Variants in ZNF704 observed in about 807,000 individuals in gnomAD.
ZNF704 encodes glucocorticoid induced gene 1.
ZNF704 carries 10 observed loss-of-function variants against 44.7 expected under a neutral mutation model. The ratio of observed to expected loss-of-function variants is 0.22; its 90% CI spans 0.14 to 0.38. The LOEUF (loss-of-function observed/expected upper bound fraction) is 0.38, where lower values mean the gene tolerates loss of function less well. Among genes scored for constraint, ZNF704 ranks in the 10% least tolerant of loss-of-function variants. The pLI is 1.00. For missense variants in ZNF704, 390 were observed against 545.5 expected, an observed-to-expected ratio of 0.71 and a Z score of 2.84; for synonymous variants, 211 against 207.6, an observed-to-expected ratio of 1.02 and a Z score of -0.14.
intron 2 of ZNF704, among the ~76,000 whole-genome samples, chr8:80,764,944 G>T (rs1807203543): frequency 6.6e-6 from 1 of 152,186 alleles, no homozygotes; most frequent in Non-Finnish European, 1.5e-5. Context: ...AATAGCATAT[G>T]CATATGAGAA....
chr8:80,800,381 G>C (rs1807878954), intron 2 of ZNF704, among the ~76,000 whole-genome samples: 1 of 152,050 alleles, frequency 6.6e-6, no homozygotes, highest in African/African-American at 2.4e-5. Context: ...GATTTTCAAA[G>C]GTCGAAATCA....
At chr8:80,748,048 G>GC (rs1440800348) in intron 2 of ZNF704, among the ~76,000 whole-genome samples, 12 of 152,268 alleles carry the variant, frequency 7.9e-5, no homozygotes, top group African/African-American at 2.9e-4. Context: ...TTGGGAAGTT[G>GC]CAACAGTTGT....
chr8:80,786,319 T>A (rs1807613530), intron 2 of ZNF704, among the ~76,000 whole-genome samples: 1 of 152,176 alleles, frequency 6.6e-6, no homozygotes, highest in Admixed American at 6.5e-5. Flanking sequence ...GTTGCTTAAG[T>A]GCTGAGCTAC....
intron 2 of ZNF704, among the ~76,000 whole-genome samples, chr8:80,765,847 T>C (rs1203032866): frequency 1.3e-5 from 2 of 152,168 alleles, no homozygotes; most frequent in Admixed American, 6.5e-5. Context: ...GGCTAGATTA[T>C]AAAAATAATA....
intron 1 of ZNF704, among the ~76,000 whole-genome samples, chr8:80,862,680 G>T (rs1809087025): frequency 6.9e-6 from 1 of 144,266 alleles, no homozygotes; most frequent in South Asian, 2.2e-4. Context: ...CACAAGAACT[G>T]CCTGAACCCA....
rs1818165994 is a variant in ZNF704 at position 80,664,948 on chromosome 8, G to A, written c.794C>T (p.Pro265Leu). Residue 265 changes from proline to leucine, a missense_variant, in exon 6 of 9, where the codon CCT (proline) becomes CTT (leucine). Pro to Leu is a moderately conservative substitution (Grantham distance 98). Coordinates refer to ENST00000327835, the MANE Select transcript of ZNF704 (RefSeq NM_001033723.3). ...PVSPSQSLAS[P>L]PTFPIPDSSR... ...TGAATCTGGGATGGGGAAAGTAGGA[G>A]GTGAAGCCAGGGACTGGGAAGGTGA... 1.2e-6 allele frequency: 2 copies of A among 1,614,216 alleles called. No individual in the cohort carries two copies. The highest frequency in any genetic ancestry group is 1.7e-6 in the Non-Finnish European group (2 of 1,180,046).
intron 2 of ZNF704, among the ~76,000 whole-genome samples, chr8:80,798,515 A>G (rs6989009): frequency 0.06 from 9,063 of 152,234 alleles, 300 homozygotes; most frequent in Non-Finnish European, 0.076. Context: ...TCGGCCTCCC[A>G]AAGTGCTGGG....
chr8:80,670,213 A>G (rs968760938), intron 5 of ZNF704, among the ~76,000 whole-genome samples: 7 of 152,188 alleles, frequency 4.6e-5, no homozygotes, highest in Non-Finnish European at 1.0e-4. Flanking sequence ...GACCCTGAAG[A>G]GCTGACATTA....
intron 2 of ZNF704, among the ~76,000 whole-genome samples, chr8:80,741,978 C>CT (rs1240647070): frequency 6.6e-6 from 1 of 152,172 alleles, no homozygotes; most frequent in Non-Finnish European, 1.5e-5. Flanking sequence ...TATACAGACT[C>CT]TAAGTATGCT....
At chr8:80,845,949 A>G (rs776790038) in intron 1 of ZNF704, among the ~76,000 whole-genome samples, 1 of 152,142 alleles carries the variant, frequency 6.6e-6, no homozygotes, top group Non-Finnish European at 1.5e-5. Context: ...ACTATCTGAC[A>G]CTATTAATTC....
At chr8:80,880,999 A>G in the ZNF704 span, among the ~76,000 whole-genome samples, 13 of 152,216 alleles carry the variant, frequency 8.5e-5, no homozygotes, top group African/African-American at 3.1e-4. Flanking sequence ...TATCCATGAC[A>G]TGGCTGTATT....
chr8:80,758,947 G>A (rs1273804596), intron 2 of ZNF704, among the ~76,000 whole-genome samples: 1 of 152,134 alleles, frequency 6.6e-6, no homozygotes, highest in Non-Finnish European at 1.5e-5. Context: ...TGAGTAACTT[G>A]CCAAAGGTTA....
intron 2 of ZNF704, among the ~76,000 whole-genome samples, chr8:80,726,114 T>TA (rs1222480960): frequency 1.3e-5 from 2 of 152,076 alleles, no homozygotes; most frequent in African/African-American, 4.8e-5. Context: ...CCATCTGACT[T>TA]ACAGATATAA....
chr8:80,852,707 G>A (rs1018902729), intron 1 of ZNF704, among the ~76,000 whole-genome samples: 14 of 152,156 alleles, frequency 9.2e-5, no homozygotes, highest in Non-Finnish European at 7.4e-5. Flanking sequence ...TAATTCCCAA[G>A]TTTTCATTTG....
At chr8:80,726,719 G>A (rs59376819) in intron 2 of ZNF704, among the ~76,000 whole-genome samples, 26,444 of 151,892 alleles carry the variant, frequency 0.17, 4,696 homozygotes, top group African/African-American at 0.46. Context: ...AAAAATTTCC[G>A]TAACAACAGG....
chr8:80,647,839 G>C (rs985499135), intron 7 of ZNF704, among the ~76,000 whole-genome samples: 1 of 152,196 alleles, frequency 6.6e-6, no homozygotes, highest in Non-Finnish European at 1.5e-5. Context: ...TGAGGAACAG[G>C]CTTTTGAAAA....
intron 1 of ZNF704, among the ~76,000 whole-genome samples, chr8:80,851,021 C>T (rs922908124): frequency 6.6e-6 from 1 of 152,156 alleles, no homozygotes; most frequent in African/African-American, 2.4e-5. Flanking sequence ...TATACTCACA[C>T]AAGACTAGAA....
intron 2 of ZNF704, among the ~76,000 whole-genome samples, chr8:80,738,657 A>G (rs1210279542): frequency 6.6e-6 from 1 of 152,112 alleles, no homozygotes; most frequent in Non-Finnish European, 1.5e-5. Flanking sequence ...AATATTCTAC[A>G]AGATTTTCAA....
intron 7 of ZNF704, among the ~76,000 whole-genome samples, chr8:80,651,393 C>T (rs1245117841): frequency 1.3e-5 from 2 of 151,708 alleles, no homozygotes; most frequent in Non-Finnish European, 1.5e-5. Context: ...AGAGTCAAGA[C>T]CCATCAGTGT....
Sources: gnomAD v4.1 joint callset for allele counts (sites outside exome capture counted in the v4.1 genomes callset) on GRCh38, gnomAD v4.1.1 for gene constraint, MANE v1.5 for transcripts, NCBI Gene and HGNC (gene_info 2026-07-23, HGNC 2026-07-21) for gene names.